Variants in UTP6 observed in about 807,000 individuals in gnomAD.
The protein encoded by UTP6 is U3 small nucleolar RNA-associated protein 6 homolog.
In UTP6, 60 loss-of-function variants were observed where a neutral mutation model predicts 96.5. The observed-to-expected ratio is 0.62, with a 90% confidence interval of 0.51 to 0.77. The LOEUF (loss-of-function observed/expected upper bound fraction) is 0.77. Among genes scored for constraint, UTP6 ranks in the 30% least tolerant of loss-of-function variants. UTP6 has a pLI of 0.00. For missense variants in UTP6, 637 were observed against 706.5 expected (o/e 0.90, Z 1.12); for synonymous variants, 215 against 240.1 (o/e 0.90, Z 0.96).
At chr17:31,900,945 A>G (rs1904942521) in intron 1 of UTP6, among the ~76,000 whole-genome samples, 1 of 152,220 alleles carries the variant, frequency 6.6e-6, no homozygotes, top group Non-Finnish European at 1.5e-5. Context: ...TCTGAGTCAC[A>G]TTACTACATT....
chr17:31,899,271 T>A (rs942032478), intron 2 of UTP6, among the ~76,000 whole-genome samples: 1 of 152,116 alleles, frequency 6.6e-6, no homozygotes. Flanking sequence ...CACTTCAGCC[T>A]GGGTGAAAGG....
intron 16 of UTP6, among the ~76,000 whole-genome samples, chr17:31,871,510 G>T (rs996997416): frequency 6.6e-6 from 1 of 152,070 alleles, no homozygotes; most frequent in African/African-American, 2.4e-5. Context: ...CCCTTTGGGA[G>T]GCCAAGGCAG....
At position 31,889,476 on chromosome 17, in the gene UTP6, C is replaced by T. The variant is rs888917191; in HGVS notation, c.425-73G>A. 6.0e-5 allele frequency: 62 copies of T among 1,038,612 alleles called. No individual in the cohort carries two copies. The Admixed American group carries it at 7.3e-4, about 12-fold the overall frequency. 64.3% of individuals were successfully genotyped at this position (1,038,612 alleles called of 1,614,324 possible). On this transcript the variant is annotated intron_variant, in intron 6 of 18. Coordinates refer to ENST00000261708, the MANE Select transcript of UTP6 (RefSeq NM_018428.3). ...CAGACAAGAAAAGAACCAAATGATC[C>T]AATTTTAATACTCGCACAATTTTTT...
At position 31,892,341 on chromosome 17, in the gene UTP6, A is replaced by G. The variant is rs1164047834; in HGVS notation, c.361-18T>C. On this transcript the variant is annotated intron_variant, in intron 5 of 18. Coordinates refer to ENST00000261708, the MANE Select transcript of UTP6 (RefSeq NM_018428.3). ...TTAGTAGCCTGTAAAAAAGGAAAAT[A>G]TTTCTACTTCCTGCACAGATAAATC... is the stretch of plus-strand genomic sequence containing the variant. 6.2e-7 allele frequency: 1 copy of G among 1,609,276 alleles called. No individual in the cohort carries two copies. Among genetic ancestry groups the G allele is most frequent in the Non-Finnish European group, 8.5e-7 (1 of 1,175,894 alleles).
intron 8 of UTP6, among the ~76,000 whole-genome samples, chr17:31,886,895 TGTAA>T (rs1217207166): frequency 6.6e-6 from 1 of 152,220 alleles, no homozygotes. Flanking sequence ...TTGGCTATTC[TGTAA>T]GTAACAATTT....
At chr17:31,868,141 C>A in intron 16 of UTP6, 29 bp from the exon 17 acceptor site, 1 of 1,597,812 alleles carries the variant, frequency 6.3e-7, no homozygotes, top group Non-Finnish European at 8.5e-7. Flanking sequence ...ACGTTATCTT[C>A]AACAATGACA....
Position 31,880,767 on chromosome 17 carries a change from A to C in UTP6, c.786-13T>G. ...TAGAGCCTGAAGGCTGAAAAATACAATTTACTGTTATCAATCCCACAACAA... is the reference window on the plus strand; with the variant it reads ...TAGAGCCTGAAGGCTGAAAAATACACTTTACTGTTATCAATCCCACAACAA... On this transcript the variant is annotated splice_polypyrimidine_tract_variant and intron_variant, in intron 10 of 18. Transcript: ENST00000261708. 1 of 1,613,592 alleles carries C rather than the reference A, an allele frequency of 6.2e-7. No homozygotes were observed. The highest frequency in any genetic ancestry group is 1.1e-5 in the South Asian group (1 of 90,994).
intron 7 of UTP6, chr17:31,887,523 T>C (rs4795663): frequency 0.76 from 362,275 of 478,896 alleles, 138,459 homozygotes; most frequent in East Asian, 0.85. Context: ...AATTTTTTTA[T>C]TTTTATTTTT....
At chr17:31,884,906 T>C (rs989051271) in intron 9 of UTP6, 1 of 155,930 alleles carries the variant, frequency 6.4e-6, no homozygotes, top group African/African-American at 2.4e-5. Context: ...GTACAAAAAC[T>C]AGCCAGGCAT....
intron 17 of UTP6, among the ~76,000 whole-genome samples, chr17:31,867,306 G>T (rs562142236): frequency 2.1e-4 from 32 of 152,212 alleles, no homozygotes; most frequent in African/African-American, 7.5e-4. Context: ...TCAGGAGTTT[G>T]AGACCAGGCT....
intron 17 of UTP6, among the ~76,000 whole-genome samples, chr17:31,865,993 A>G (rs932702155): frequency 3.9e-5 from 6 of 152,154 alleles, no homozygotes; most frequent in African/African-American, 1.4e-4. Flanking sequence ...GAATAGCTGT[A>G]ACTAACTTTA....
chr17:31,895,036 A>C, intron 2 of UTP6, 25 bp from the exon 3 acceptor site: 1 of 1,501,230 alleles, frequency 6.7e-7, no homozygotes, highest in Non-Finnish European at 9.0e-7. Context: ...CATACAAAAA[A>C]ATGAGAAGCT....
At position 31,889,455 on chromosome 17, in the gene UTP6, CAAGAA is replaced by C. The variant is rs752333448; in HGVS notation, c.425-57_425-53del. 5 of 1,306,732 alleles carry C rather than the reference CAAGAA, an allele frequency of 3.8e-6. No homozygotes were observed. The African/African-American group carries it at 6.0e-5, about 16-fold the overall frequency. 80.9% of individuals were successfully genotyped at this position (1,306,732 alleles called of 1,614,324 possible). ...ATTTCAATAAATTAATCAAGTCAGA[CAAGAA>C]AAGAACCAAATGATCCAATTTTAAT... On this transcript the variant is annotated intron_variant, in intron 6 of 18. Transcript: ENST00000261708.
In UTP6 at chr17:31,861,124, G is replaced by A. The variant is rs1215670928; in HGVS notation, c.*2235C>T. The A allele has an allele frequency of 6.6e-6, 1 of 151,938 alleles. No individual in the cohort carries two copies. The highest frequency in any genetic ancestry group is 6.6e-5 in the Admixed American group (1 of 15,236). 9.4% of individuals were successfully genotyped at this position (151,938 alleles called of 1,614,324 possible). On this transcript the variant is annotated 3_prime_UTR_variant, in exon 19 of 19. Transcript: ENST00000261708. ...GCCACAAAAGGTGCCTATAATCCCA[G>A]CTACTTGGGAGGCTTTGGCAGGGAG...
chr17:31,895,340 T>TA (rs1904570635), intron 2 of UTP6, among the ~76,000 whole-genome samples: 1 of 152,186 alleles, frequency 6.6e-6, no homozygotes, highest in South Asian at 2.1e-4. Flanking sequence ...TTTTTAGAAA[T>TA]AAAACAGTTC....
intron 1 of UTP6, 134 bp from the exon 2 acceptor site, chr17:31,899,864 G>T: frequency 1.5e-6 from 1 of 683,616 alleles, no homozygotes. Context: ...AAGTATTATC[G>T]GCCGGACACA....
At chr17:31,864,718 G>A (rs1909718904) in intron 18 of UTP6, among the ~76,000 whole-genome samples, 1 of 151,938 alleles carries the variant, frequency 6.6e-6, no homozygotes, top group Admixed American at 6.6e-5. Context: ...ACATCCTGGG[G>A]CCCAAACAAT....
chr17:31,878,332 A>C lies in UTP6; in HGVS notation c.1048-5T>G, dbSNP rs775493371. 7 of 1,614,004 alleles carry C rather than the reference A, an allele frequency of 4.3e-6. No individual in the cohort carries two copies. The highest frequency in any genetic ancestry group is 3.3e-4 in the Middle Eastern group (2 of 6,084). ...AGTCATGGTTCTTTCCAACCTCTGA[A>C]AACAGAAAAATCCCTCAGTTCATTA... On this transcript the variant is annotated splice_polypyrimidine_tract_variant and splice_region_variant and intron_variant, in intron 12 of 18. Transcript: ENST00000261708.
intron 13 of UTP6, among the ~76,000 whole-genome samples, chr17:31,878,020 G>T (rs1455083254): frequency 6.7e-6 from 1 of 150,092 alleles, no homozygotes; most frequent in Non-Finnish European, 1.5e-5. Flanking sequence ...CCCAAATCAT[G>T]ACTCTTGTTC....
Sources: gnomAD v4.1 joint callset for allele counts (sites outside exome capture counted in the v4.1 genomes callset) on GRCh38, gnomAD v4.1.1 for gene constraint, MANE v1.5 for transcripts, NCBI Gene and HGNC (gene_info 2026-07-23, HGNC 2026-07-21) for gene names.